The following GPRC6A variants were observed in gnomAD, a reference collection of about 807,000 sequenced individuals.
GPRC6A encodes the protein G protein-coupled receptor family C group 6 member A.
GPRC6A carries 54 observed loss-of-function variants against 47.0 expected under a neutral mutation model. The observed-to-expected ratio is 1.15, with a 90% CI of 0.92 to 1.44. GPRC6A has a LOEUF of 1.44. GPRC6A is among the 40% of genes most tolerant of loss of function. The pLI, the probability that GPRC6A is intolerant of heterozygous loss-of-function variation, is 0.00. For synonymous variants in GPRC6A, 347 were observed against 377.1 expected (o/e 0.92, Z 0.93); for missense variants, 1,112 against 1,105.5 (o/e 1.01, Z -0.08).
At position 116,795,746 on chromosome 6, in the gene GPRC6A, C is replaced by T; in HGVS notation, c.1638G>A (p.Gln546=). ...TAGTGTAATGATTTTCAGGACAGTT[C>T]TGACATTCATAGCAACAGATGTGTT... ...RSQHICCYEC[Q]NCPENHYTNQ... The change falls in exon 5 of 6, where the codon CAG becomes CAA. Residue 546 remains glutamine, a synonymous_variant. Transcript: ENST00000310357. 6.2e-7 allele frequency: 1 copy of T among 1,611,222 alleles called. No homozygotes were observed. Among genetic ancestry groups the T allele is most frequent in the African/African-American group, 1.3e-5 (1 of 74,898 alleles).
intron 5 of GPRC6A, among the ~76,000 whole-genome samples, chr6:116,795,327 G>T (rs911623140): frequency 1.3e-5 from 2 of 152,036 alleles, no homozygotes; most frequent in African/African-American, 4.8e-5. Flanking sequence ...ATTATGTTTA[G>T]TTAATTCAAC....
At chr6:116,815,278 T>C (rs1044339682) in intron 1 of GPRC6A, among the ~76,000 whole-genome samples, 2 of 152,118 alleles carry the variant, frequency 1.3e-5, no homozygotes, top group African/African-American at 4.8e-5. Context: ...AGGTCAGGAC[T>C]TTAAGAGCAG....
intron 3 of GPRC6A, among the ~76,000 whole-genome samples, chr6:116,801,395 G>T (rs1435411051): frequency 6.6e-6 from 1 of 152,150 alleles, no homozygotes. Context: ...CCATACTGAG[G>T]TTGTGCTGTA....
At chr6:116,812,474 G>T (rs1773057980) in intron 1 of GPRC6A, among the ~76,000 whole-genome samples, 1 of 152,078 alleles carries the variant, frequency 6.6e-6, no homozygotes, top group Admixed American at 6.6e-5. Flanking sequence ...TACTACTGTA[G>T]ATATTCATCT....
At chr6:116,815,557 G>A (rs1773177898) in intron 1 of GPRC6A, among the ~76,000 whole-genome samples, 1 of 152,118 alleles carries the variant, frequency 6.6e-6, no homozygotes, top group Non-Finnish European at 1.5e-5. Flanking sequence ...TCCAACAACT[G>A]TAGAATACAC....
chr6:116,823,607 G>A (rs1032267303), intron 1 of GPRC6A, among the ~76,000 whole-genome samples: 9 of 152,032 alleles, frequency 5.9e-5, no homozygotes, highest in African/African-American at 2.2e-4. Context: ...CACATTTTCA[G>A]ATATCTTTAT....
chr6:116,823,006 C>T (rs1368517346), intron 1 of GPRC6A, among the ~76,000 whole-genome samples: 3 of 151,528 alleles, frequency 2.0e-5, no homozygotes, highest in Admixed American at 6.6e-5. Flanking sequence ...GAAGTCTTCT[C>T]ATTGTCTTGG....
In GPRC6A at chr6:116,806,710, T is replaced by G; in HGVS notation, c.995A>C (p.Asn332Thr). ...AAGAAAGGAATGGAAAGAGGATATATTCCCTCTTCTAAAGGCAAACCCTAC... is the reference window on the plus strand; with the variant it reads ...AAGAAAGGAATGGAAAGAGGATATAGTCCCTCTTCTAAAGGCAAACCCTAC... ...KVVGFAFRRG[N>T]ISSFHSFLQN... is the part of the protein sequence containing the mutation. The change falls in exon 3 of 6, where the codon AAT becomes ACT. Residue 332 changes from asparagine to threonine, a missense_variant. Transcript: ENST00000310357. The G allele has an allele frequency of 6.2e-7, 1 of 1,613,474 alleles. No homozygotes were observed. The highest frequency in any genetic ancestry group is 8.5e-7 in the Non-Finnish European group (1 of 1,179,646).
At chr6:116,828,777 T>G (rs780790156) in intron 1 of GPRC6A, 43 bp downstream of exon 1, 1 of 1,547,520 alleles carries the variant, frequency 6.5e-7, no homozygotes, top group South Asian at 1.2e-5. Context: ...CCTAGTCTCA[T>G]GACAATCTTG....
Position 116,809,516 on chromosome 6 carries a change from A to T in GPRC6A, c.296T>A (p.Ile99Asn). 6.2e-7 allele frequency: 1 copy of T among 1,613,494 alleles called. No homozygotes were observed. The highest frequency in any genetic ancestry group is 8.5e-7 in the Non-Finnish European group (1 of 1,179,580). ...TGTGACTTCTGTACAAGTGTCATAG[A>T]TTTCATACCCCAGTTTGACTCCAGG... ...LLPGVKLGYE[I>N]YDTCTEVTVA... Residue 99 changes from isoleucine to asparagine, a missense_variant, in exon 2 of 6, where the codon ATC becomes AAC. Transcript: ENST00000310357.
intron 1 of GPRC6A, among the ~76,000 whole-genome samples, chr6:116,815,815 G>C (rs1117046): frequency 0.49 from 74,515 of 152,022 alleles, 18,877 homozygotes; most frequent in Middle Eastern, 0.61. Context: ...CTTATTAAAA[G>C]AAATGAAAAT....
Position 116,792,558 on chromosome 6 carries a change from G to A in GPRC6A, c.2365C>T (p.Leu789Phe), listed in dbSNP as rs1772340014. Residue 789 changes from leucine to phenylalanine, a missense_variant, in exon 6 of 6, where the codon CTC (leucine) becomes TTC (phenylalanine). By Grantham distance (22) the Leu-to-Phe change is conservative. Coordinates refer to ENST00000310357, the MANE Select transcript of GPRC6A (RefSeq NM_148963.4). Reference protein sequence around the residue: ...NEAKFITFGMLIYFIAWITFI... With the variant: ...NEAKFITFGMFIYFIAWITFI... ...GTGATCCAAGCTATGAAGTAAATGA[G>A]CATGCCAAATGTAATGAATTTGGCT... The A allele has an allele frequency of 1.2e-6, 2 of 1,612,514 alleles. No homozygotes were observed. Among genetic ancestry groups the A allele is most frequent in the African/African-American group, 2.7e-5 (2 of 74,942 alleles).
At chr6:116,817,665 C>A (rs1257251998) in intron 1 of GPRC6A, among the ~76,000 whole-genome samples, 1 of 151,782 alleles carries the variant, frequency 6.6e-6, no homozygotes, top group Non-Finnish European at 1.5e-5. Context: ...GCTAGAATAA[C>A]CAATACAGAG....
Position 116,797,422 on chromosome 6 carries a change from T to C in GPRC6A, c.1549-1587A>G, listed in dbSNP as rs149847167. The stretch of plus-strand genomic sequence containing the variant: ...TAGGATTATCTGATGTTTTGGACTA[T>C]GAGTTCTGGTGACTTACCAGAAATG... On this transcript the variant is annotated intron_variant, in intron 4 of 5. Transcript: ENST00000310357. Among the ~76,000 whole-genome samples, 376 of 152,340 alleles carry C rather than the reference T, an allele frequency of 2.5e-3. 6 individuals carry two copies. The Middle Eastern group carries it at 0.044, about 18-fold the overall frequency.
intron 1 of GPRC6A, among the ~76,000 whole-genome samples, chr6:116,818,756 C>A (rs1273401665): frequency 6.6e-6 from 1 of 150,878 alleles, no homozygotes; most frequent in Non-Finnish European, 1.5e-5. Context: ...CAAAATCATG[C>A]CAAAATGTAA....
intron 1 of GPRC6A, 61 bp from the exon 2 acceptor site, chr6:116,809,678 T>C (rs1243145405): frequency 8.1e-7 from 1 of 1,231,114 alleles, no homozygotes; most frequent in Non-Finnish European, 1.2e-6. Context: ...CATGGCTGTA[T>C]CTCATTTTGC....
intron 1 of GPRC6A, among the ~76,000 whole-genome samples, chr6:116,824,446 T>C (rs1047782630): frequency 2.6e-5 from 4 of 151,744 alleles, no homozygotes; most frequent in Non-Finnish European, 1.5e-5. Flanking sequence ...CAAAAGATTA[T>C]CAGAGACTAT....
intron 3 of GPRC6A, among the ~76,000 whole-genome samples, chr6:116,805,216 C>CT (rs1275484971): frequency 6.6e-6 from 1 of 151,818 alleles, no homozygotes; most frequent in Non-Finnish European, 1.5e-5. Flanking sequence ...GTTTTACCTC[C>CT]TTATTAGATT....
At chr6:116,821,395 T>G (rs1348706995) in intron 1 of GPRC6A, among the ~76,000 whole-genome samples, 2 of 152,064 alleles carry the variant, frequency 1.3e-5, no homozygotes, top group African/African-American at 4.8e-5. Context: ...AGAGCCCGCA[T>G]CGCCAAGTCA....
Sources: allele counts gnomAD v4.1 joint callset (sites outside exome capture counted in the v4.1 genomes callset), GRCh38; gene constraint gnomAD v4.1.1; transcripts MANE v1.5; gene names NCBI Gene and HGNC (gene_info 2026-07-23, HGNC 2026-07-21).